The following SDC4 variants were observed in gnomAD, a reference collection of about 807,000 sequenced individuals.
SDC4 encodes syndecan 4.
SDC4 carries 17 observed loss-of-function variants against 20.5 expected under a neutral mutation model. That is an observed-to-expected ratio of 0.83 (90% CI 0.57 to 1.25). The LOEUF (loss-of-function observed/expected upper bound fraction) is 1.25. Ranked by LOEUF, SDC4 falls within the 50% of genes most tolerant of loss-of-function variation. The pLI, the probability that SDC4 is intolerant of heterozygous loss-of-function variation, is 0.00. For synonymous variants in SDC4, 107 were observed against 105.3 expected (o/e 1.02, Z -0.10); for missense variants, 241 against 252.3 (o/e 0.96, Z 0.30).
intron 2 of SDC4, among the ~76,000 whole-genome samples, chr20:45,334,538 G>A (rs1339968631): frequency 6.6e-6 from 1 of 151,410 alleles, no homozygotes; most frequent in East Asian, 1.9e-4. Context: ...CACCAGGCTG[G>A]AGTGCAATGG....
intron 2 of SDC4, among the ~76,000 whole-genome samples, chr20:45,333,796 A>G (rs781390098): frequency 3.9e-5 from 6 of 152,196 alleles, no homozygotes; most frequent in Non-Finnish European, 8.8e-5. Context: ...TATTATTTTA[A>G]TTACTTCTAT....
chr20:45,335,877 C>A lies in SDC4; in HGVS notation c.104G>T (p.Gly35Val), dbSNP rs963713561. 3 of 1,613,738 alleles carry A rather than the reference C, an allele frequency of 1.9e-6. No homozygotes were observed. Among genetic ancestry groups the A allele is most frequent in the Non-Finnish European group, 2.5e-6 (3 of 1,179,952 alleles). The change falls in exon 2 of 5, where the codon GGC becomes GTC. Residue 35 changes from glycine to valine, a missense_variant. Physicochemically the swap from Gly to Val is moderately radical, Grantham distance 109. Transcript: ENST00000372733. Reference sequence around the variant, plus strand: ...TGGTAGGGCTCCGGAGAAGTATCGGCCTTCTAGGAGGTCCTGGGGGTCGAT... The same window carrying A: ...TGGTAGGGCTCCGGAGAAGTATCGGACTTCTAGGAGGTCCTGGGGGTCGAT... ...EVIDPQDLLE[G>V]RYFSGALPDD...
At chr20:45,329,311 T>C (rs1198854525) in intron 4 of SDC4, among the ~76,000 whole-genome samples, 1 of 152,344 alleles carries the variant, frequency 6.6e-6, no homozygotes, top group Non-Finnish European at 1.5e-5. Context: ...AGTCTCCCCA[T>C]GTATAAGAAG....
chr20:45,342,668 G>A (rs981592518), intron 1 of SDC4, among the ~76,000 whole-genome samples: 4 of 152,114 alleles, frequency 2.6e-5, no homozygotes, highest in Admixed American at 2.0e-4. Context: ...GGGGTTGGGG[G>A]AAGCAGGAGG....
chr20:45,336,463 C>T (rs1251180339), intron 1 of SDC4, among the ~76,000 whole-genome samples: 2 of 152,188 alleles, frequency 1.3e-5, no homozygotes, highest in Non-Finnish European at 2.9e-5. Flanking sequence ...ATTAATATGG[C>T]TAGATATCCT....
chr20:45,330,446 C>T lies in SDC4; in HGVS notation c.365G>A (p.Ser122Asn). ...IPKRISPVEE[S>N]EDVSNKVSMS... ...TGACACCTTGTTGGACACATCCTCA[C>T]TCTCTTCAACGGGTGAGATTCTCTT... Residue 122 changes from serine (S) to asparagine (N), a missense_variant, in exon 4 of 5, where the codon AGT (serine) becomes AAT (asparagine). Ser to Asn is a conservative substitution (Grantham distance 46). Transcript: ENST00000372733. The T allele has an allele frequency of 1.2e-6, 2 of 1,614,246 alleles. No individual in the cohort carries two copies.
intron 1 of SDC4, among the ~76,000 whole-genome samples, chr20:45,343,898 A>T (rs1223163239): frequency 1.3e-5 from 2 of 152,168 alleles, no homozygotes; most frequent in African/African-American, 2.4e-5. Flanking sequence ...TTCTTAACAG[A>T]CCAGGAGGCT....
intron 2 of SDC4, among the ~76,000 whole-genome samples, chr20:45,334,565 T>G (rs1455895060): frequency 1.3e-5 from 2 of 152,086 alleles, no homozygotes; most frequent in Non-Finnish European, 2.9e-5. Flanking sequence ...CTCAGCTCAC[T>G]GCAACCTCTG....
Position 45,335,848 on chromosome 20 carries a change from C to T in SDC4, c.133G>A (p.Asp45Asn), listed in dbSNP as rs370755313. 9.3e-6 allele frequency: 15 copies of T among 1,613,940 alleles called. No homozygotes were observed. Among genetic ancestry groups the T allele is most frequent in the African/African-American group, 8.0e-5 (6 of 74,888 alleles). Residue 45 changes from aspartate (D) to asparagine (N), a missense_variant, in exon 2 of 5, where the codon GAT (aspartate) becomes AAT (asparagine). By Grantham distance (23) the Asp-to-Asn change is conservative. Coordinates refer to ENST00000372733, the MANE Select transcript of SDC4 (RefSeq NM_002999.4). ...GRYFSGALPD[D>N]EDVVGPGQES... Reference sequence around the variant, plus strand: ...TGCCCGGGCCCCACTACATCCTCATCGTCTGGTAGGGCTCCGGAGAAGTAT... The same window carrying T: ...TGCCCGGGCCCCACTACATCCTCATTGTCTGGTAGGGCTCCGGAGAAGTAT...
chr20:45,328,502 G>T (rs1374748230), intron 4 of SDC4, among the ~76,000 whole-genome samples: 2 of 152,196 alleles, frequency 1.3e-5, no homozygotes, highest in Non-Finnish European at 2.9e-5. Flanking sequence ...ACAACAGGAG[G>T]TGCTTAATAA....
rs1175281569 is a variant in SDC4 at position 45,326,331 on chromosome 20, G to T, written c.*933C>A. On this transcript the variant is annotated 3_prime_UTR_variant, in exon 5 of 5. Coordinates refer to ENST00000372733, the MANE Select transcript of SDC4 (RefSeq NM_002999.4). The stretch of plus-strand genomic sequence containing the variant: ...AAACTGGGGAAGGGGTTTAATGAAA[G>T]AGAACAAAGAAAGAAGAGGGGAAGG... 9.6e-6 allele frequency: 1 copy of T among 104,012 alleles called. No individual in the cohort carries two copies. The highest frequency in any genetic ancestry group is 3.6e-5 in the African/African-American group (1 of 27,642). The allele number at this position is 104,012 out of a possible 1,614,324, so 6.4% of individuals were successfully genotyped here.
chr20:45,329,718 T>C (rs1162413348), intron 4 of SDC4, among the ~76,000 whole-genome samples: 1 of 152,352 alleles, frequency 6.6e-6, no homozygotes, highest in Admixed American at 6.5e-5. Context: ...GGCCATGACC[T>C]TGGGGAGTTC....
In SDC4 at chr20:45,326,216, A is replaced by C. The variant is rs893672219; in HGVS notation, c.*1048T>G. 1 of 152,074 alleles carries C rather than the reference A, an allele frequency of 6.6e-6. No individual in the cohort carries two copies. The highest frequency in any genetic ancestry group is 1.5e-5 in the Non-Finnish European group (1 of 67,996). The allele number at this position is 152,074 out of a possible 1,614,324, so 9.4% of individuals were successfully genotyped here. A position where few individuals can be genotyped will look rare whatever the true frequency, so the allele number is the denominator to read the frequency against. ...TATATTTTGGGATCTGCTAAAAAAA[A>C]ACTATGTTTCGGCAAAAGCTATTTT... On this transcript the variant is annotated 3_prime_UTR_variant, in exon 5 of 5. Transcript: ENST00000372733.
intron 1 of SDC4, among the ~76,000 whole-genome samples, chr20:45,344,081 A>C (rs1336574133): frequency 6.6e-6 from 1 of 152,218 alleles, no homozygotes; most frequent in Non-Finnish European, 1.5e-5. Flanking sequence ...GGGTCACACC[A>C]AACCTGAACA....
Position 45,327,333 on chromosome 20 carries a change from A to C in SDC4, c.528T>G (p.Asp176Glu). ...TCTTGCCCAGGTCATAGCTGCCTTC[A>C]TCCTTCTTCTTCATACGGTACATGA... ...LLLMYRMKKK[D>E]EGSYDLGKKP... Residue 176 changes from aspartate (D) to glutamate (E), a missense_variant, in exon 5 of 5, where the codon GAT (aspartate) becomes GAG (glutamate). By Grantham distance (45) the Asp-to-Glu change is conservative (BLOSUM62 2). Transcript: ENST00000372733. The C allele has an allele frequency of 6.2e-7, 1 of 1,614,214 alleles. No homozygotes were observed. Among genetic ancestry groups the C allele is most frequent in the South Asian group, 1.1e-5 (1 of 91,084 alleles).
chr20:45,332,773 T>G (rs1568904954), intron 3 of SDC4, among the ~76,000 whole-genome samples: 1 of 152,044 alleles, frequency 6.6e-6, no homozygotes, highest in Non-Finnish European at 1.5e-5. Context: ...TTTTGTATTT[T>G]ATGTAGAGAC....
chr20:45,332,376 G>T (rs1987791496), intron 3 of SDC4, among the ~76,000 whole-genome samples: 1 of 152,024 alleles, frequency 6.6e-6, no homozygotes, highest in African/African-American at 2.4e-5. Flanking sequence ...GGCCAGGCTG[G>T]TCTCGAACTC....
chr20:45,333,690 C>T (rs1407638424), intron 2 of SDC4, among the ~76,000 whole-genome samples: 1 of 152,010 alleles, frequency 6.6e-6, no homozygotes, highest in African/African-American at 2.4e-5. Flanking sequence ...TAAATAAATT[C>T]CCTCCATACG....
Position 45,325,530 on chromosome 20 carries a change from C to G in SDC4, c.*1734G>C, listed in dbSNP as rs528220180. On this transcript the variant is annotated 3_prime_UTR_variant, in exon 5 of 5. Transcript: ENST00000372733. The stretch of plus-strand genomic sequence containing the variant: ...CAGCCACTGGGGTCAGGAGGAGACA[C>G]GACCTGCCCAGGCTAAGCCACCAGG... The G allele has an allele frequency of 6.6e-6, 1 of 152,526 alleles. No homozygotes were observed. Among genetic ancestry groups the G allele is most frequent in the East Asian group, 1.9e-4 (1 of 5,164 alleles). The allele number at this position is 152,526 out of a possible 1,614,324, so 9.4% of individuals were successfully genotyped here.
Sources: gnomAD v4.1 joint callset for allele counts (sites outside exome capture counted in the v4.1 genomes callset) on GRCh38, gnomAD v4.1.1 for gene constraint, MANE v1.5 for transcripts, NCBI Gene and HGNC (gene_info 2026-07-23, HGNC 2026-07-21) for gene names.